TTN: variants seen among roughly 807,000 people sequenced by gnomAD.
TTN encodes the protein connectin.
In TTN, 1,525 loss-of-function variants were observed where a neutral mutation model predicts 3,223.0. The observed-to-expected ratio is 0.47, with a 90% CI of 0.45 to 0.49. TTN has a LOEUF of 0.49. Among genes scored for constraint, TTN ranks in the 20% least tolerant of loss-of-function variants. The probability of loss-of-function intolerance (pLI) is 0.00; values close to 1 mark genes in which losing one functional copy is unlikely to be tolerated. For missense variants in TTN, 40,786 were observed against 43,424.0 expected (o/e 0.94, Z 5.40); for synonymous variants, 14,094 against 15,161.0 (o/e 0.93, Z 5.17).
At position 178,610,991 on chromosome 2, in the gene TTN, A is replaced by G; in HGVS notation, c.51136+2T>C. 1.2e-6 allele frequency: 2 copies of G among 1,611,540 alleles called. No homozygotes were observed. The highest frequency in any genetic ancestry group is 1.7e-6 in the Non-Finnish European group (2 of 1,178,782). ...TCTGGTTTTTCTTCAAAGAATGATT[A>G]CCTATGACTTTGACATTGATTGAGG... On this transcript the variant is annotated splice_donor_variant, in intron 270 of 362. Transcript: ENST00000589042. LOFTEE classifies it high-confidence loss of function.
chr2:178,583,248 G>A (rs767054858), intron 312 of TTN, 21 bp from the exon 313 acceptor site: 2 of 1,529,522 alleles, frequency 1.3e-6, no homozygotes, highest in Non-Finnish European at 1.8e-6. Flanking sequence ...ATAAGATAAA[G>A]GACTTAATGT....
In TTN at chr2:178,685,005, G is replaced by T; in HGVS notation, c.32471-16C>A. 2 of 1,577,678 alleles carry T rather than the reference G, an allele frequency of 1.3e-6. No homozygotes were observed. The highest frequency in any genetic ancestry group is 8.7e-7 in the Non-Finnish European group (1 of 1,155,670). On this transcript the variant is annotated splice_polypyrimidine_tract_variant and intron_variant, in intron 129 of 362. Coordinates refer to ENST00000589042, the MANE Select transcript of TTN (RefSeq NM_001267550.2). Reference sequence around the variant, plus strand: ...GCTTCAGGAACTTTAGAAAGATTAGGTTTAAGAATATGAGTTTGCCTTACA... The same window carrying T: ...GCTTCAGGAACTTTAGAAAGATTAGTTTTAAGAATATGAGTTTGCCTTACA...
intron 242 of TTN, among the ~76,000 whole-genome samples, chr2:178,623,368 A>C (rs952659774): frequency 6.6e-6 from 1 of 150,742 alleles, no homozygotes; most frequent in African/African-American, 2.4e-5. Context: ...GAGGGTGATT[A>C]GGATTTTACA....
intron 243 of TTN, among the ~76,000 whole-genome samples, chr2:178,622,425 A>T (rs932296599): frequency 1.3e-5 from 2 of 151,894 alleles, no homozygotes; most frequent in Non-Finnish European, 2.9e-5. Flanking sequence ...CAGCACTTTC[A>T]TATGGTTCAA....
At chr2:178,791,727 T>G (rs1040272103) in intron 10 of TTN, among the ~76,000 whole-genome samples, 4 of 151,820 alleles carry the variant, frequency 2.6e-5, no homozygotes, top group Non-Finnish European at 5.9e-5. Context: ...CATTACAATC[T>G]AAGTGACTGA....
chr2:178,789,246 T>C lies in TTN; in HGVS notation c.2076+114A>G, dbSNP rs1461735425. On this transcript the variant is annotated intron_variant, in intron 13 of 362. Coordinates refer to ENST00000589042, the MANE Select transcript of TTN (RefSeq NM_001267550.2). ...AATAAATTTGGTTAATAGTGACTCA[T>C]ACATAAGAAATTCAGAGACTTGATA... 4.2e-6 allele frequency: 6 copies of C among 1,438,136 alleles called. No individual in the cohort carries two copies. The African/African-American group carries it at 5.7e-5, about 14-fold the overall frequency. 89.1% of individuals were successfully genotyped at this position (1,438,136 alleles called of 1,614,324 possible). A position where few individuals can be genotyped will look rare whatever the true frequency, so the allele number is the denominator to read the frequency against.
In TTN at chr2:178,541,434, C is replaced by T. The variant is rs55676195; in HGVS notation, c.97643G>A (p.Arg32548His). ...CATTGTCACAGGTACTTTATTTACACGGACCCATCGATCTGCTCTCACTTC... is the reference window on the plus strand; with the variant it reads ...CATTGTCACAGGTACTTTATTTACATGGACCCATCGATCTGCTCTCACTTC... ...RKEVRADRWV[R>H]VNKVPVTMTR... Residue 32548 changes from arginine to histidine, a missense_variant, in exon 350 of 363, where the codon CGT (arginine) becomes CAT (histidine). Coordinates refer to ENST00000589042, the MANE Select transcript of TTN (RefSeq NM_001267550.2). The T allele has an allele frequency of 5.3e-5, 86 of 1,613,374 alleles. No individual in the cohort carries two copies. The Middle Eastern group carries it at 1.2e-3, about 22-fold the overall frequency.
intron 213 of TTN, among the ~76,000 whole-genome samples, chr2:178,648,146 T>A (rs1000591678): frequency 1.2e-4 from 19 of 152,262 alleles, no homozygotes; most frequent in Non-Finnish European, 1.8e-4. Context: ...CCTATTAATA[T>A]GTAAGCCTGC....
rs878941853 is a variant in TTN, at chr2:178,577,508, C to A, written c.68827G>T (p.Ala22943Ser). 8 of 1,566,388 alleles carry A rather than the reference C, an allele frequency of 5.1e-6. No individual in the cohort carries two copies. The highest frequency in any genetic ancestry group is 1.2e-5 in the South Asian group (1 of 83,516). ...ETIICKDEYE[A>S]PTIVLDPTIK... ...GTGGGATCAAGGACAATTGTTGGTG[C>A]CTCTGCAAAGAAAAAAATACATTTT... Residue 22943 changes from alanine (A) to serine (S), a missense_variant and splice_region_variant, in exon 324 of 363, where the codon GCA (alanine) becomes TCA (serine). Transcript: ENST00000589042.
Position 178,587,646 on chromosome 2 carries a change from T to G in TTN, c.63663A>C (p.Gln21221His). 6.2e-7 allele frequency: 1 copy of G among 1,612,818 alleles called. No homozygotes were observed. The highest frequency in any genetic ancestry group is 1.7e-5 in the Admixed American group (1 of 59,938). The change falls in exon 306 of 363, where the codon CAA becomes CAC. Residue 21221 changes from glutamine (Q) to histidine (H), a missense_variant. Coordinates refer to ENST00000589042, the MANE Select transcript of TTN (RefSeq NM_001267550.2). ...VGIDNVVRKG[Q>H]VDLVDTMAFL... ...AGGCCATAGTGTCAACCAGATCAAC[T>G]TGTCCTTTTCTGACCACATTATCAA...
chr2:178,560,999 T>C lies in TTN; in HGVS notation c.85133A>G (p.Asn28378Ser). ...CAGAGGTCGCCCTGCAATGTCTGCA[T>C]TTATCTTAAGGACCTCTCCAGCTTT... Reference protein sequence around the residue: ...VVKAGEVLKINADIAGRPLPV... With the variant: ...VVKAGEVLKISADIAGRPLPV... Residue 28378 changes from asparagine (N) to serine (S), a missense_variant, in exon 326 of 363, where the codon AAT becomes AGT. Physicochemically the swap from Asn to Ser is conservative, Grantham distance 46. Transcript: ENST00000589042. 6.2e-7 allele frequency: 1 copy of C among 1,613,866 alleles called. No homozygotes were observed. The highest frequency in any genetic ancestry group is 8.5e-7 in the Non-Finnish European group (1 of 1,179,802).
Position 178,664,835 on chromosome 2 carries a change from A to T in TTN, c.36118+17T>A. 6.2e-7 allele frequency: 1 copy of T among 1,611,292 alleles called. No individual in the cohort carries two copies. Among genetic ancestry groups the T allele is most frequent in the Non-Finnish European group, 8.5e-7 (1 of 1,179,308 alleles). ...ACAAGAGCTAGTTCTTGACCCTGAG[A>T]GCATGGTGACTTGTACCTTTAACTG... is the stretch of plus-strand genomic sequence containing the variant. On this transcript the variant is annotated intron_variant, in intron 166 of 362. Transcript: ENST00000589042.
At chr2:178,619,064 G>A (rs1033281680) in intron 250 of TTN, 17 of 638,550 alleles carry the variant, frequency 2.7e-5, no homozygotes, top group Middle Eastern at 4.4e-4. Context: ...AGAGGATTGA[G>A]AATGGCATAA....
At position 178,776,800 on chromosome 2, in the gene TTN, T is replaced by C; in HGVS notation, c.5064A>G (p.Gln1688=). The C allele has an allele frequency of 1.2e-6, 2 of 1,614,130 alleles. No individual in the cohort carries two copies. Among genetic ancestry groups the C allele is most frequent in the South Asian group, 2.2e-5 (2 of 91,090 alleles). Residue 1688 remains glutamine (Q), a synonymous_variant, in exon 28 of 363, where the codon CAA becomes CAG. Coordinates refer to ENST00000589042, the MANE Select transcript of TTN (RefSeq NM_001267550.2). ...EPLHLRYGQE[Q]WEEGDLYDKE... ...TGTCATAGAGATCACCTTCTTCCCA[T>C]TGCTCTTGGCCATATCGCAAATGGA... is the stretch of plus-strand genomic sequence containing the variant.
chr2:178,710,987 T>A lies in TTN; in HGVS notation c.28175-65A>T. Reference sequence around the variant, plus strand: ...TCTGGACCATGTCAGTTTACTGAAATAGAAATTTCTCCCTAAGTTCATATT... The same window carrying A: ...TCTGGACCATGTCAGTTTACTGAAAAAGAAATTTCTCCCTAAGTTCATATT... On this transcript the variant is annotated intron_variant, in intron 97 of 362. Coordinates refer to ENST00000589042, the MANE Select transcript of TTN (RefSeq NM_001267550.2). The A allele has an allele frequency of 1.9e-6, 3 of 1,550,808 alleles. No homozygotes were observed. In the East Asian group the frequency reaches 6.8e-5, roughly 35 times the overall value.
Position 178,569,375 on chromosome 2 carries a change from C to A in TTN, c.76757G>T (p.Ser25586Ile). 6.2e-7 allele frequency: 1 copy of A among 1,613,398 alleles called. No homozygotes were observed. Among genetic ancestry groups the A allele is most frequent in the Non-Finnish European group, 8.5e-7 (1 of 1,179,542 alleles). The part of the protein sequence containing the change: ...SGKYTLTLEN[S>I]SGTKSAFVTV... ...AACAAAGGCAGACTTTGTTCCACTGCTGTTTTCTAATGTAAGCGTATATTT... is the reference window on the plus strand; with the variant it reads ...AACAAAGGCAGACTTTGTTCCACTGATGTTTTCTAATGTAAGCGTATATTT... Residue 25586 changes from serine to isoleucine, a missense_variant, in exon 326 of 363, where the codon AGC (serine) becomes ATC (isoleucine). Transcript: ENST00000589042.
At position 178,663,875 on chromosome 2, in the gene TTN, C is replaced by T. The variant is rs750296116; in HGVS notation, c.36392G>A (p.Arg12131His). The T allele has an allele frequency of 4.0e-5, 64 of 1,612,808 alleles. No individual in the cohort carries two copies. Among genetic ancestry groups the T allele is most frequent in the African/African-American group, 1.7e-4 (13 of 74,696 alleles). ...AGGAGCCAAGGGCACTTTCTCTTCG[C>T]GGATAACCTCTTTGGAAGCTTCTGG... Reference protein sequence around the residue: ...KVPEASKEVIREEKVPLAPPK... With the variant: ...KVPEASKEVIHEEKVPLAPPK... The change falls in exon 170 of 363, where the codon CGC becomes CAC. Residue 12131 changes from arginine to histidine, a missense_variant. Transcript: ENST00000589042.
chr2:178,760,810 T>C (rs1054478943), intron 43 of TTN: 2 of 151,832 alleles, frequency 1.3e-5, no homozygotes, highest in Non-Finnish European at 2.9e-5. Context: ...CCATGTGATA[T>C]AACATGAAAC....
Position 178,712,599 on chromosome 2 carries a change from G to C in TTN, c.27329-6C>G. On this transcript the variant is annotated splice_region_variant and splice_polypyrimidine_tract_variant and intron_variant, in intron 94 of 362. Coordinates refer to ENST00000589042, the MANE Select transcript of TTN (RefSeq NM_001267550.2). ...CTTCACAAATTTGGCTGGGGCTAAA[G>C]TGACCAAATTGAAAATATAAAATCA... is the stretch of plus-strand genomic sequence containing the variant. 6.2e-7 allele frequency: 1 copy of C among 1,608,646 alleles called. No homozygotes were observed. Among genetic ancestry groups the C allele is most frequent in the Non-Finnish European group, 8.5e-7 (1 of 1,177,002 alleles).
Sources: gnomAD v4.1 joint callset for allele counts (sites outside exome capture counted in the v4.1 genomes callset) on GRCh38, gnomAD v4.1.1 for gene constraint, MANE v1.5 for transcripts, NCBI Gene and HGNC (gene_info 2026-07-23, HGNC 2026-07-21) for gene names.